SFI1: variants seen among roughly 807,000 people sequenced by gnomAD.
SFI1 encodes the protein protein SFI1 homolog.
A neutral mutation model predicts 207.5 loss-of-function variants in SFI1; 195 were observed. That is an observed-to-expected ratio of 0.94 (90% CI 0.84 to 1.06). The LOEUF (loss-of-function observed/expected upper bound fraction) is 1.06, where lower values mean the gene tolerates loss of function less well. SFI1 is among the 50% of genes least tolerant of loss of function. The pLI is 0.00. For missense variants in SFI1, 1,634 were observed against 1,588.0 expected (o/e 1.03, Z -0.49); for synonymous variants, 630 against 598.9 (o/e 1.05, Z -0.76).
At chr22:31,597,751 C>G (rs1180100678) in intron 15 of SFI1, among the ~76,000 whole-genome samples, 1 of 152,010 alleles carries the variant, frequency 6.6e-6, no homozygotes, top group Admixed American at 6.6e-5. Context: ...ATTAAAGTTC[C>G]AAATAAATAT....
intron 6 of SFI1, among the ~76,000 whole-genome samples, chr22:31,554,595 A>G (rs1602612039): frequency 7.5e-6 from 1 of 132,900 alleles, no homozygotes; most frequent in Non-Finnish European, 1.6e-5. Flanking sequence ...GGCTTGAGCC[A>G]CTGCGCCCAG....
chr22:31,556,678 A>G (rs545426111), intron 6 of SFI1, among the ~76,000 whole-genome samples: 1 of 152,298 alleles, frequency 6.6e-6, no homozygotes, highest in African/African-American at 2.4e-5. Context: ...CTATAGAAAT[A>G]AGCGCTTTTA....
chr22:31,562,989 A>G (rs966829901), intron 8 of SFI1, among the ~76,000 whole-genome samples: 7 of 144,174 alleles, frequency 4.9e-5, no homozygotes, highest in African/African-American at 1.3e-4. Context: ...TCTTTTATAT[A>G]TATATATATA....
rs1304212311 is a variant in SFI1 at position 31,614,769 on chromosome 22, G to C, written c.2997-20G>C. ...AGCCCCTGGTCAGCCCAGGGGAACA[G>C]ACCCCATGTTTCTTTCCAGCAACAC... On this transcript the variant is annotated intron_variant, in intron 27 of 32. Coordinates refer to ENST00000400288, the MANE Select transcript of SFI1 (RefSeq NM_001007467.3). 3.7e-6 allele frequency: 6 copies of C among 1,613,630 alleles called. No homozygotes were observed. Among genetic ancestry groups the C allele is most frequent in the Non-Finnish European group, 4.2e-6 (5 of 1,179,940 alleles).
intron 2 of SFI1, among the ~76,000 whole-genome samples, chr22:31,516,812 G>A (rs1305981177): frequency 1.3e-5 from 2 of 152,020 alleles, no homozygotes; most frequent in African/African-American, 4.8e-5. Flanking sequence ...AAATTTGCCG[G>A]GCATGGTGGC....
At chr22:31,500,456 A>G (rs1017436106) in intron 1 of SFI1, among the ~76,000 whole-genome samples, 1 of 152,024 alleles carries the variant, frequency 6.6e-6, no homozygotes, top group African/African-American at 2.4e-5. Context: ...AGGTGTTTTT[A>G]TTTATTTTTA....
At chr22:31,585,267 G>T in intron 14 of SFI1, 133 bp downstream of exon 14, 1 of 656,550 alleles carries the variant, frequency 1.5e-6, no homozygotes, top group East Asian at 3.0e-5. Flanking sequence ...TGTTGAAAAA[G>T]CTCAAAGTCA....
rs1412031167 is a variant in SFI1, at chr22:31,533,689, G to A, written c.338+2560G>A. ...GTCCCAGCTGCAAGTGCTAGGCATT[G>A]TTCACCTCTATTTTACCTTCTTCTG... On this transcript the variant is annotated intron_variant, in intron 4 of 32. Coordinates refer to ENST00000400288, the MANE Select transcript of SFI1 (RefSeq NM_001007467.3). Among the ~76,000 whole-genome samples, 3 of 152,170 alleles carry A rather than the reference G, an allele frequency of 2.0e-5. No individual in the cohort carries two copies. The East Asian group carries it at 5.8e-4, about 29-fold the overall frequency.
At position 31,604,329 on chromosome 22, in the gene SFI1, G is replaced by C. The variant is rs1431557120; in HGVS notation, c.1902G>C (p.Ala634=). ...QWRECLALRG[A]ERQKLMRADL... Reference sequence around the variant, plus strand: ...TGCAGTGCCTGGCCCTGCGGGGAGCGGAGCGGCAGAAGCTGATGCGAGCAG... The same window carrying C: ...TGCAGTGCCTGGCCCTGCGGGGAGCCGAGCGGCAGAAGCTGATGCGAGCAG... The change falls in exon 19 of 33, where the codon GCG becomes GCC. Residue 634 remains alanine (A), a synonymous_variant. Transcript: ENST00000400288. The C allele has an allele frequency of 1.9e-6, 3 of 1,579,192 alleles. No individual in the cohort carries two copies. The highest frequency in any genetic ancestry group is 1.7e-4 in the Middle Eastern group (1 of 5,902).
At chr22:31,611,670 C>T in intron 23 of SFI1, 96 bp from the exon 24 acceptor site, 1 of 1,235,432 alleles carries the variant, frequency 8.1e-7, no homozygotes. Context: ...AATGGGAGGA[C>T]ATTCAGCTGG....
intron 24 of SFI1, 195 bp from the exon 25 acceptor site, chr22:31,612,946 AG>A: frequency 3.4e-6 from 2 of 579,946 alleles, no homozygotes; most frequent in Non-Finnish European, 6.1e-6. Context: ...TCTTTCATGA[AG>A]GTCATTCCTC....
chr22:31,585,150 T>A lies in SFI1; in HGVS notation c.1413+16T>A, dbSNP rs1361406167. ...GTACAAGCAGGTATGGAGTACTTTT[T>A]AGCAGATAGCTCTACTGGCTTACAT... On this transcript the variant is annotated intron_variant, in intron 14 of 32. Coordinates refer to ENST00000400288, the MANE Select transcript of SFI1 (RefSeq NM_001007467.3). The A allele has an allele frequency of 6.2e-7, 1 of 1,606,140 alleles. No individual in the cohort carries two copies. Among genetic ancestry groups the A allele is most frequent in the Non-Finnish European group, 8.5e-7 (1 of 1,173,298 alleles).
At chr22:31,524,952 G>A (rs1376013521) in intron 2 of SFI1, among the ~76,000 whole-genome samples, 29 of 151,670 alleles carry the variant, frequency 1.9e-4, no homozygotes, top group Admixed American at 1.6e-3. Flanking sequence ...ATGCCACCAC[G>A]CCCAGCTAAT....
At chr22:31,513,324 A>G (rs2055909130) in intron 2 of SFI1, among the ~76,000 whole-genome samples, 1 of 151,660 alleles carries the variant, frequency 6.6e-6, no homozygotes, top group South Asian at 2.1e-4. Flanking sequence ...ATGTCTGGTG[A>G]ATTTTTGTAT....
At chr22:31,542,170 C>T (rs1040634386) in intron 4 of SFI1, among the ~76,000 whole-genome samples, 13 of 151,182 alleles carry the variant, frequency 8.6e-5, no homozygotes, top group Non-Finnish European at 1.8e-4. Flanking sequence ...CCCCACCCCC[C>T]GAGAGAGAAC....
intron 8 of SFI1, among the ~76,000 whole-genome samples, chr22:31,570,122 C>CAATAAATAAATAAATAAATA: frequency 6.8e-6 from 1 of 146,816 alleles, no homozygotes; most frequent in South Asian, 2.2e-4. Flanking sequence ...GAGACTCTGT[C>CAATAAATAAATAAATAAATA]AATAAATAAA....
intron 4 of SFI1, among the ~76,000 whole-genome samples, chr22:31,542,582 C>T (rs939190298): frequency 5.3e-5 from 8 of 151,952 alleles, no homozygotes; most frequent in East Asian, 1.9e-4. Flanking sequence ...GAACTGAGAT[C>T]GTGCCATTGC....
intron 2 of SFI1, among the ~76,000 whole-genome samples, chr22:31,523,209 C>T (rs2057486344): frequency 6.6e-6 from 1 of 152,152 alleles, no homozygotes; most frequent in Non-Finnish European, 1.5e-5. Flanking sequence ...TTATTTTCTC[C>T]TTCACATTCC....
chr22:31,496,175 C>G (rs1302505965), upstream of SFI1: 1 of 152,300 alleles, frequency 6.6e-6, no homozygotes, highest in African/African-American at 2.4e-5. Context: ...ACGCAGCCGC[C>G]TCCCAGCTGG....
Sources: allele counts gnomAD v4.1 joint callset (sites outside exome capture counted in the v4.1 genomes callset), GRCh38; gene constraint gnomAD v4.1.1; transcripts MANE v1.5; gene names NCBI Gene and HGNC (gene_info 2026-07-23, HGNC 2026-07-21).